Variants in DOCK2 observed in about 807,000 individuals in gnomAD.
The protein encoded by DOCK2 is dedicator of cytokinesis protein 2.
A neutral mutation model predicts 248.9 loss-of-function variants in DOCK2; 87 were observed. The ratio of observed to expected loss-of-function variants is 0.35; its 90% CI spans 0.29 to 0.42. The LOEUF (loss-of-function observed/expected upper bound fraction) is 0.42, where lower values mean the gene tolerates loss of function less well. Among genes scored for constraint, DOCK2 ranks in the 10% least tolerant of loss-of-function variants. The pLI is 1.00. For synonymous variants in DOCK2, 805 were observed against 821.6 expected, an observed-to-expected ratio of 0.98 and a Z score of 0.35; for missense variants, 1,747 against 2,300.2, an observed-to-expected ratio of 0.76 and a Z score of 4.92.
chr5:169,993,219 A>G (rs1778255376), intron 29 of DOCK2, among the ~76,000 whole-genome samples: 1 of 152,254 alleles, frequency 6.6e-6, no homozygotes, highest in Non-Finnish European at 1.5e-5. Context: ...GGTGAATAAC[A>G]GACTAACAAA....
intron 25 of DOCK2, among the ~76,000 whole-genome samples, chr5:169,801,126 C>G (rs1433763207): frequency 7.1e-6 from 1 of 140,518 alleles, no homozygotes; most frequent in Non-Finnish European, 1.5e-5. Context: ...GTGCCTGCCA[C>G]CATGCCCAGA....
intron 1 of DOCK2, among the ~76,000 whole-genome samples, chr5:169,644,005 A>G (rs1048790252): frequency 2.6e-5 from 4 of 152,106 alleles, no homozygotes; most frequent in Non-Finnish European, 4.4e-5. Flanking sequence ...GGACCCTTCT[A>G]AGTAGAACGA....
chr5:169,675,719 CA>C (rs1759299077), intron 6 of DOCK2, among the ~76,000 whole-genome samples: 1 of 152,194 alleles, frequency 6.6e-6, no homozygotes, highest in African/African-American at 2.4e-5. Flanking sequence ...GGCTGGAACA[CA>C]GGGCCTGAGG....
rs755847618 is a variant in DOCK2, at chr5:169,761,653, G to T, written c.2554+28G>T. ...GAGTACACAGCACCCTTGCTGGGGT[G>T]GGGTAAGGGGCCAATAAACCCCACA... is the stretch of plus-strand genomic sequence containing the variant. On this transcript the variant is annotated intron_variant, in intron 25 of 51. Coordinates refer to ENST00000520908, the MANE Select transcript of DOCK2 (RefSeq NM_004946.3). The T allele has an allele frequency of 3.8e-6, 6 of 1,595,954 alleles. No homozygotes were observed. In the African/African-American group the frequency reaches 5.4e-5, roughly 14 times the overall value.
intron 33 of DOCK2, among the ~76,000 whole-genome samples, chr5:170,021,221 G>C (rs988792662): frequency 2.0e-5 from 3 of 152,192 alleles, no homozygotes; most frequent in Non-Finnish European, 4.4e-5. Flanking sequence ...AGTGGAAGGT[G>C]AAAGCTTGGA....
At chr5:169,783,891 C>T (rs1314436394) in intron 25 of DOCK2, among the ~76,000 whole-genome samples, 2 of 152,090 alleles carry the variant, frequency 1.3e-5, no homozygotes, top group East Asian at 1.9e-4. Flanking sequence ...TGTTTTTTCC[C>T]CTCACAATCT....
At chr5:169,775,727 T>C (rs1018288245) in intron 25 of DOCK2, among the ~76,000 whole-genome samples, 10 of 152,086 alleles carry the variant, frequency 6.6e-5, no homozygotes, top group Admixed American at 2.0e-4. Flanking sequence ...TGTTGGAACA[T>C]TGGGGACAGT....
chr5:170,010,907 G>T (rs770975400), intron 32 of DOCK2, among the ~76,000 whole-genome samples: 62 of 152,136 alleles, frequency 4.1e-4, no homozygotes, highest in Non-Finnish European at 7.6e-4. Context: ...CCATTGTTTT[G>T]CACACAGAAG....
At chr5:170,013,185 AG>A (rs1554125920) in intron 32 of DOCK2, among the ~76,000 whole-genome samples, 1 of 151,466 alleles carries the variant, frequency 6.6e-6, no homozygotes, top group Non-Finnish European at 1.5e-5. Flanking sequence ...CAACCAGCCC[AG>A]CAAGCATGGC....
intron 33 of DOCK2, among the ~76,000 whole-genome samples, chr5:170,024,903 C>T (rs765659184): frequency 2.6e-5 from 4 of 152,198 alleles, no homozygotes; most frequent in Non-Finnish European, 4.4e-5. Flanking sequence ...TAATTTCCCT[C>T]CTGGCAGGCT....
chr5:169,685,426 C>T (rs1759910096), intron 8 of DOCK2, among the ~76,000 whole-genome samples: 1 of 152,150 alleles, frequency 6.6e-6, no homozygotes, highest in African/African-American at 2.4e-5. Flanking sequence ...CTCAGGCGAC[C>T]ACTGCCTGTC....
chr5:169,751,841 G>A (rs978931545), intron 23 of DOCK2, among the ~76,000 whole-genome samples: 9 of 152,158 alleles, frequency 5.9e-5, no homozygotes, highest in Non-Finnish European at 1.0e-4. Flanking sequence ...TTCATATACA[G>A]TGTTTTAAAT....
chr5:170,060,961 C>T (rs1451932715), intron 44 of DOCK2, among the ~76,000 whole-genome samples: 3 of 151,952 alleles, frequency 2.0e-5, no homozygotes, highest in African/African-American at 7.3e-5. Flanking sequence ...ACCCGGGAGG[C>T]GGAGGTTGCA....
chr5:170,071,685 C>T (rs1181804868), intron 46 of DOCK2, among the ~76,000 whole-genome samples: 1 of 152,132 alleles, frequency 6.6e-6, no homozygotes, highest in African/African-American at 2.4e-5. Context: ...AAATAGAATT[C>T]TGCTAGCTCC....
intron 14 of DOCK2, 59 bp from the exon 15 acceptor site, chr5:169,708,110 C>T (rs1194236370): frequency 3.2e-6 from 5 of 1,574,418 alleles, no homozygotes; most frequent in African/African-American, 2.7e-5. Flanking sequence ...CAAACCTGCA[C>T]AAGCACAGAA....
intron 26 of DOCK2, among the ~76,000 whole-genome samples, chr5:169,815,995 C>T (rs982691134): frequency 6.6e-6 from 1 of 152,236 alleles, no homozygotes; most frequent in African/African-American, 2.4e-5. Flanking sequence ...GGGGCAGCCA[C>T]TTGGTTTCCA....
intron 27 of DOCK2, among the ~76,000 whole-genome samples, chr5:169,979,749 G>T (rs1777874126): frequency 6.6e-6 from 1 of 152,160 alleles, no homozygotes; most frequent in South Asian, 2.1e-4. Context: ...ACGCAACCGG[G>T]TTTTTCTACG....
chr5:170,080,109 A>C, intron 49 of DOCK2, 54 bp from the exon 50 acceptor site: 1 of 1,603,424 alleles, frequency 6.2e-7, no homozygotes, highest in South Asian at 1.1e-5. Context: ...GATCTGCCTC[A>C]TGCTAAGCCT....
intron 44 of DOCK2, among the ~76,000 whole-genome samples, chr5:170,057,988 C>T (rs147437755): frequency 1.4e-4 from 22 of 152,240 alleles, no homozygotes; most frequent in African/African-American, 5.1e-4. Flanking sequence ...ATTTCCATCT[C>T]CCCCTCATAC....
Sources: gnomAD v4.1 joint callset for allele counts (sites outside exome capture counted in the v4.1 genomes callset) on GRCh38, gnomAD v4.1.1 for gene constraint, MANE v1.5 for transcripts, NCBI Gene and HGNC (gene_info 2026-07-23, HGNC 2026-07-21) for gene names.